The following ARHGEF18 variants were observed in gnomAD, a reference collection of about 807,000 sequenced individuals.
The protein encoded by ARHGEF18 is rho guanine nucleotide exchange factor 18.
In ARHGEF18, 93 loss-of-function variants were observed where a neutral mutation model predicts 155.7. The ratio of observed to expected loss-of-function variants is 0.60; its 90% confidence interval spans 0.50 to 0.71. The LOEUF (loss-of-function observed/expected upper bound fraction) is 0.71. ARHGEF18 is among the 30% of genes least tolerant of loss of function. The pLI, the probability that ARHGEF18 is intolerant of heterozygous loss-of-function variation, is 0.00. For synonymous variants in ARHGEF18, 742 were observed against 753.1 expected, an observed-to-expected ratio of 0.99 and a Z score of 0.24; for missense variants, 1,593 against 1,816.1, an observed-to-expected ratio of 0.88 and a Z score of 2.23.
intron 10 of ARHGEF18, chr19:7,390,722 T>C (rs939447169): frequency 1.3e-5 from 2 of 151,994 alleles, no homozygotes; most frequent in African/African-American, 4.8e-5. Context: ...TCTGCAAAGC[T>C]GCAAAAACAA....
At chr19:7,387,825 A>G (rs1438177279) in intron 10 of ARHGEF18, among the ~76,000 whole-genome samples, 2 of 151,854 alleles carry the variant, frequency 1.3e-5, no homozygotes, top group Non-Finnish European at 2.9e-5. Flanking sequence ...ACCTGCCACC[A>G]TGCCTGGCTA....
intron 10 of ARHGEF18, among the ~76,000 whole-genome samples, chr19:7,428,925 A>T (rs1973809237): frequency 6.6e-6 from 1 of 152,146 alleles, no homozygotes; most frequent in African/African-American, 2.4e-5. Context: ...GATGAACAGC[A>T]CCTGACCCTT....
In ARHGEF18 at chr19:7,444,121, C is replaced by T. The variant is rs1416189514; in HGVS notation, c.1361-83C>T. ...AGAACTCTCAGAAGCCAGTTCAGCA[C>T]GTGAAGGGCAGGCAGCACCCACGAC... On this transcript the variant is annotated intron_variant, in intron 13 of 28. Coordinates refer to ENST00000668164, the MANE Select transcript of ARHGEF18 (RefSeq NM_001367823.1). This position sits in a 1 kb window ranked among gnomAD's most constrained non-coding sequence, Gnocchi z 4.7. The T allele has an allele frequency of 3.2e-6, 5 of 1,551,194 alleles. No individual in the cohort carries two copies. The highest frequency in any genetic ancestry group is 1.4e-5 in the African/African-American group (1 of 73,478).
At position 7,441,688 on chromosome 19, in the gene ARHGEF18, C is replaced by T. The variant is rs150370217; in HGVS notation, c.1142C>T (p.Ala381Val). 2.0e-4 allele frequency: 327 copies of T among 1,614,180 alleles called. No individual in the cohort carries two copies. In the Middle Eastern group the frequency reaches 6.4e-3, roughly 32 times the overall value. Residue 381 changes from alanine to valine, a missense_variant, in exon 12 of 29, where the codon GCG (alanine) becomes GTG (valine). Physicochemically the swap from Ala to Val is moderately conservative, Grantham distance 64. Coordinates refer to ENST00000668164, the MANE Select transcript of ARHGEF18 (RefSeq NM_001367823.1). ...GGAGAGATGGATGAAGCCGATTCTG[C>T]GTTTTTAAAATTTAAGCAGACAGCT... ...ITGEMDEADSAFLKFKQTADD... is the reference protein window; with the variant it reads ...ITGEMDEADSVFLKFKQTADD...
rs1021897550 is a variant in ARHGEF18, at chr19:7,453,349, G to A, written c.1856-118G>A. 2.5e-5 allele frequency: 31 copies of A among 1,224,388 alleles called. No individual in the cohort carries two copies. The Admixed American group carries it at 3.7e-4, about 15-fold the overall frequency. 75.8% of individuals were successfully genotyped at this position (1,224,388 alleles called of 1,614,324 possible). A position where few individuals can be genotyped will look rare whatever the true frequency, so the allele number is the denominator to read the frequency against. ...AGAACACACCTCATAGATCCCACACGCCCATACATAGTGTGTCCACACACC... is the reference window on the plus strand; with the variant it reads ...AGAACACACCTCATAGATCCCACACACCCATACATAGTGTGTCCACACACC... On this transcript the variant is annotated intron_variant, in intron 16 of 28. Transcript: ENST00000668164.
In ARHGEF18 at chr19:7,375,778, A is replaced by G. The variant is rs1970434044; in HGVS notation, c.334A>G (p.Ser112Gly). 8.1e-7 allele frequency: 1 copy of G among 1,234,422 alleles called. No homozygotes were observed. The highest frequency in any genetic ancestry group is 1.0e-6 in the Non-Finnish European group (1 of 988,304). 76.5% of individuals were successfully genotyped at this position (1,234,422 alleles called of 1,614,324 possible). A position where few individuals can be genotyped will look rare whatever the true frequency, so the allele number is the denominator to read the frequency against. Residue 112 changes from serine (S) to glycine (G), a missense_variant, in exon 4 of 29, where the codon AGC (serine) becomes GGC (glycine). By Grantham distance (56) the Ser-to-Gly change is moderately conservative. Coordinates refer to ENST00000668164, the MANE Select transcript of ARHGEF18 (RefSeq NM_001367823.1). ...EEPCLPRTLA[S>G]LALNLPGGGL... Reference sequence around the variant, plus strand: ...ACCCTGTCTCCCCCGAACACTGGCCAGCCTTGCTTTGAACCTGCCAGGAGG... The same window carrying G: ...ACCCTGTCTCCCCCGAACACTGGCCGGCCTTGCTTTGAACCTGCCAGGAGG...
intron 10 of ARHGEF18, among the ~76,000 whole-genome samples, chr19:7,385,872 C>CTCTCTCTCTCTCTCTCTCTCTCTCTCT (rs1568285803): frequency 2.0e-5 from 1 of 49,670 alleles, no homozygotes; most frequent in East Asian, 7.0e-4. Flanking sequence ...TCTCTCTCTC[C>CTCTCTCTCTCTCTCTCTCTCTCTCTCT]CCCCTCCCTC....
intron 10 of ARHGEF18, among the ~76,000 whole-genome samples, chr19:7,407,283 G>A (rs1446101439): frequency 1.3e-5 from 2 of 151,602 alleles, no homozygotes; most frequent in East Asian, 1.9e-4. Context: ...AAAATTAGCC[G>A]GGTGTGGTGG....
intron 15 of ARHGEF18, among the ~76,000 whole-genome samples, chr19:7,450,503 G>A (rs1975320303): frequency 7.1e-6 from 1 of 141,040 alleles, no homozygotes; most frequent in Non-Finnish European, 1.5e-5. Flanking sequence ...TGTTAATACG[G>A]GATCTTGCTG....
intron 10 of ARHGEF18, among the ~76,000 whole-genome samples, chr19:7,386,234 CAAA>C (rs539106383): frequency 5.5e-5 from 6 of 108,266 alleles, no homozygotes; most frequent in Non-Finnish European, 5.9e-5. Flanking sequence ...TGCTATGTTG[CAAA>C]AAAAAAAAAA....
chr19:7,427,152 A>T (rs1973712499), intron 10 of ARHGEF18, among the ~76,000 whole-genome samples: 1 of 152,184 alleles, frequency 6.6e-6, no homozygotes, highest in South Asian at 2.1e-4. Flanking sequence ...GGAAAGGCGC[A>T]CACAGGATGT....
At chr19:7,459,553 G>A (rs2145872610) in intron 19 of ARHGEF18, among the ~76,000 whole-genome samples, 1 of 152,304 alleles carries the variant, frequency 6.6e-6, no homozygotes, top group African/African-American at 2.4e-5. Flanking sequence ...GCTTCCTGGT[G>A]CCTTAATCTG....
intron 7 of ARHGEF18, among the ~76,000 whole-genome samples, chr19:7,380,536 TAGCC>T (rs959573595): frequency 5.3e-5 from 8 of 150,540 alleles, no homozygotes; most frequent in Non-Finnish European, 5.9e-5. Context: ...AATTAAAAAT[TAGCC>T]AGGCATGGTG....
In ARHGEF18 at chr19:7,469,094, C is replaced by T. The variant is rs763616979; in HGVS notation, c.3750C>T (p.Gly1250=). ...CCACCAAGGGTGGCAAGGACAAGGG[C>T]GGCAAGAGCAGGGGCTCTCAGCGCT... ...AASTKGGKDK[G]GKSRGSQRWE... is the part of the protein sequence containing the mutation. Residue 1250 remains glycine (G), a synonymous_variant, in exon 27 of 29, where the codon GGC becomes GGT. Coordinates refer to ENST00000668164, the MANE Select transcript of ARHGEF18 (RefSeq NM_001367823.1). 2.5e-5 allele frequency: 40 copies of T among 1,608,576 alleles called. No homozygotes were observed. The highest frequency in any genetic ancestry group is 1.3e-4 in the South Asian group (12 of 90,284).
rs1568285951 is a variant in ARHGEF18, at chr19:7,385,907, CCTCTCTCCCTCTCT to C, written c.967+2712_967+2725del. On this transcript the variant is annotated intron_variant, in intron 10 of 28. Transcript: ENST00000668164. ...CTCTCCCTCCCTCCCTCTCTCTCTC[CCTCTCTCCCTCTCT>C]CTCTCTCTCTCTCTCCCCCTCTCCC... Among the ~76,000 whole-genome samples the C allele has an allele frequency of 3.4e-3, 115 of 33,672 alleles. 6 individuals are homozygous for C. The highest frequency in any genetic ancestry group is 0.024 in the African/African-American group (108 of 4,542). The allele number at this position is 33,672 out of a possible 152,430, so 22.1% of individuals were successfully genotyped here. A position where few individuals can be genotyped will look rare whatever the true frequency, so the allele number is the denominator to read the frequency against.
At position 7,444,187 on chromosome 19, in the gene ARHGEF18, C is replaced by T. The variant is rs998669858; in HGVS notation, c.1361-17C>T. On this transcript the variant is annotated splice_polypyrimidine_tract_variant and intron_variant, in intron 13 of 28. Transcript: ENST00000668164. This position sits in a 1 kb window ranked among gnomAD's most constrained non-coding sequence, Gnocchi z 4.7. ...TGGAGCCAGCATGGCTAAGTCCTGC[C>T]GTCTGTGTCCCTGCAGAGCTGATGC... 5.6e-6 allele frequency: 9 copies of T among 1,607,332 alleles called. No individual in the cohort carries two copies. Among genetic ancestry groups the T allele is most frequent in the African/African-American group, 1.3e-5 (1 of 74,922 alleles).
chr19:7,350,562 C>A (rs1393957109), intron 1 of ARHGEF18, among the ~76,000 whole-genome samples: 1 of 152,138 alleles, frequency 6.6e-6, no homozygotes, highest in African/African-American at 2.4e-5. Context: ...GTCTCCCATG[C>A]CTCCCTGGGC....
At chr19:7,478,231 C>A in the ARHGEF18 span, 6 of 1,447,826 alleles carry the variant, frequency 4.1e-6, no homozygotes, top group Non-Finnish European at 4.7e-6. Flanking sequence ...CCAGCATGGG[C>A]CTGCACAGGG....
intron 1 of ARHGEF18, among the ~76,000 whole-genome samples, chr19:7,353,599 AAAAG>A (rs1969207796): frequency 6.6e-6 from 1 of 151,622 alleles, no homozygotes. Context: ...TCAAAAAAAA[AAAAG>A]AAAAAGAAAA....
Sources: gnomAD v4.1 joint callset for allele counts (sites outside exome capture counted in the v4.1 genomes callset) on GRCh38, gnomAD v4.1.1 for gene constraint, Gnocchi (gnomAD v3.1) non-coding constraint, MANE v1.5 for transcripts, NCBI Gene and HGNC (gene_info 2026-07-23, HGNC 2026-07-21) for gene names.